LMBRD2: variants seen among roughly 807,000 people sequenced by gnomAD.
The protein encoded by LMBRD2 is G protein-coupled receptor-associated protein LMBRD2.
Under a neutral mutation model 94.4 loss-of-function variants are expected in LMBRD2, and 55 were observed. That is an observed-to-expected ratio of 0.58 (90% CI 0.47 to 0.73). The LOEUF (loss-of-function observed/expected upper bound fraction) is 0.73, where lower values mean the gene tolerates loss of function less well. Among genes scored for constraint, LMBRD2 ranks in the 30% least tolerant of loss-of-function variants. The probability of loss-of-function intolerance (pLI) is 0.00; values close to 1 mark genes in which losing one functional copy is unlikely to be tolerated. For missense variants in LMBRD2, 640 were observed against 831.9 expected, an observed-to-expected ratio of 0.77 and a Z score of 2.84; for synonymous variants, 246 against 272.4, an observed-to-expected ratio of 0.90 and a Z score of 0.95.
intron 3 of LMBRD2, among the ~76,000 whole-genome samples, chr5:36,142,012 T>C (rs1744421452): frequency 6.6e-6 from 1 of 152,218 alleles, no homozygotes; most frequent in Non-Finnish European, 1.5e-5. Context: ...AAGTTCGATA[T>C]GAATTCAATA....
At position 36,117,826 on chromosome 5, in the gene LMBRD2, T is replaced by C; in HGVS notation, c.1211A>G (p.Glu404Gly). 6.2e-7 allele frequency: 1 copy of C among 1,614,008 alleles called. No individual in the cohort carries two copies. Among genetic ancestry groups the C allele is most frequent in the Non-Finnish European group, 8.5e-7 (1 of 1,179,892 alleles). The change falls in exon 10 of 18, where the codon GAG becomes GGG. Residue 404 changes from glutamate to glycine, a missense_variant. Around this residue, in one of 2 missense-constraint regions of LMBRD2, gnomAD observed 457 missense variants for 642.8 expected, o/e 0.71. Coordinates refer to ENST00000296603, the MANE Select transcript of LMBRD2 (RefSeq NM_001007527.2). ...SIFSVIVVWS[E>G]CTFFSTTPVL... Reference sequence around the variant, plus strand: ...AGGAGTAGTGCTAAAGAATGTGCACTCTGACCACACAACAATCACAGAGAA... The same window carrying C: ...AGGAGTAGTGCTAAAGAATGTGCACCCTGACCACACAACAATCACAGAGAA...
rs759285954 is a variant in LMBRD2, at chr5:36,114,452, C to A, written c.1612G>T (p.Val538Leu). The change falls in exon 13 of 18, where the codon GTA becomes TTA. Residue 538 changes from valine (V) to leucine (L), a missense_variant. Physicochemically the swap from Val to Leu is conservative, Grantham distance 32. Coordinates refer to ENST00000296603, the MANE Select transcript of LMBRD2 (RefSeq NM_001007527.2). Reference sequence around the variant, plus strand: ...AAATAAGTAGCAATGCAGAGAATTACCACCAACATAGGATAATATATATAG... The same window carrying A: ...AAATAAGTAGCAATGCAGAGAATTAACACCAACATAGGATAATATATATAG... ...GFYIYYPMLV[V>L]ILCIATYFSL... is the part of the protein sequence containing the mutation. 1.9e-6 allele frequency: 3 copies of A among 1,559,554 alleles called. No homozygotes were observed. The highest frequency in any genetic ancestry group is 2.6e-6 in the Non-Finnish European group (3 of 1,159,272).
At chr5:36,115,161 C>T (rs1407323805) in intron 11 of LMBRD2, 41 bp from the exon 12 acceptor site, 2 of 1,199,734 alleles carry the variant, frequency 1.7e-6, no homozygotes, top group South Asian at 1.3e-5. Context: ...AAAAGTAAAG[C>T]AGCAAAATAC....
In LMBRD2 at chr5:36,101,300, G is replaced by A. The variant is rs946150757; in HGVS notation, c.*2746C>T. On this transcript the variant is annotated 3_prime_UTR_variant, in exon 18 of 18. Transcript: ENST00000296603. ...TTAGAGGTGATTCATTAAATTAATA[G>A]ATTATTATTATTTTCTACAATAGTT... is the stretch of plus-strand genomic sequence containing the variant. 8.6e-5 allele frequency: 13 copies of A among 151,728 alleles called. No homozygotes were observed. The highest frequency in any genetic ancestry group is 7.2e-4 in the Admixed American group (11 of 15,210). The allele number at this position is 151,728 out of a possible 1,614,324, so 9.4% of individuals were successfully genotyped here.
rs1402339333 is a variant in LMBRD2 at position 36,137,346 on chromosome 5, T to C, written c.464A>G (p.Tyr155Cys). The C allele has an allele frequency of 5.0e-6, 8 of 1,606,122 alleles. No homozygotes were observed. Among genetic ancestry groups the C allele is most frequent in the Middle Eastern group, 1.7e-4 (1 of 6,030 alleles). ...KTALIENAIY[Y>C]GTYLLIFGAF... The stretch of plus-strand genomic sequence containing the variant: ...TCCAAAAATCAGCAAATAGGTGCCA[T>C]AGTAGATTGCATTCTCAATTAGTGC... The change falls in exon 5 of 18, where the codon TAT becomes TGT. Residue 155 changes from tyrosine (Y) to cysteine (C), a missense_variant. Physicochemically the swap from Tyr to Cys is radical, Grantham distance 194 (BLOSUM62 -2). This residue lies in a region of LMBRD2 where 457 missense variants were observed against 642.8 expected (regional missense o/e 0.71). Transcript: ENST00000296603.
intron 1 of LMBRD2, among the ~76,000 whole-genome samples, chr5:36,149,005 T>G (rs1472857617): frequency 1.3e-5 from 2 of 152,254 alleles, no homozygotes; most frequent in East Asian, 3.8e-4. Flanking sequence ...TATATGACTG[T>G]ACTCTACATG....
intron 1 of LMBRD2, among the ~76,000 whole-genome samples, chr5:36,148,246 G>GA (rs112066311): frequency 0.028 from 2,952 of 107,272 alleles, 57 homozygotes; most frequent in African/African-American, 0.067. Flanking sequence ...CTCGAAAAAT[G>GA]AAAAAAAAAA....
At chr5:36,149,767 G>A (rs1037198470) in intron 1 of LMBRD2, among the ~76,000 whole-genome samples, 1 of 152,178 alleles carries the variant, frequency 6.6e-6, no homozygotes, top group Non-Finnish European at 1.5e-5. Context: ...TTAGCCAGGC[G>A]TGGTGGCGCA....
At position 36,102,763 on chromosome 5, in the gene LMBRD2, T is replaced by C. The variant is rs1347879659; in HGVS notation, c.*1283A>G. Reference sequence around the variant, plus strand: ...TAATTCATCTTCAAACTGGGTGGGATACTTGAGGGTGAAAGTAATCACTAG... The same window carrying C: ...TAATTCATCTTCAAACTGGGTGGGACACTTGAGGGTGAAAGTAATCACTAG... On this transcript the variant is annotated 3_prime_UTR_variant, in exon 18 of 18. Coordinates refer to ENST00000296603, the MANE Select transcript of LMBRD2 (RefSeq NM_001007527.2). 4 of 151,764 alleles carry C rather than the reference T, an allele frequency of 2.6e-5. No homozygotes were observed. The highest frequency in any genetic ancestry group is 5.9e-5 in the Non-Finnish European group (4 of 67,776). 9.4% of individuals were successfully genotyped at this position (151,764 alleles called of 1,614,324 possible). A position where few individuals can be genotyped will look rare whatever the true frequency, so the allele number is the denominator to read the frequency against.
intron 2 of LMBRD2, 49 bp downstream of exon 2, chr5:36,143,127 A>C (rs1744457827): frequency 1.6e-6 from 2 of 1,237,412 alleles, no homozygotes; most frequent in African/African-American, 3.1e-5. Flanking sequence ...AACATGCTGT[A>C]TGATTAAAAT....
At chr5:36,114,945 G>T (rs1743703804) in intron 12 of LMBRD2, 70 bp downstream of exon 12, 2 of 1,032,938 alleles carry the variant, frequency 1.9e-6, no homozygotes, top group East Asian at 2.5e-5. Flanking sequence ...GGCATTAAAA[G>T]AAATTTCACA....
rs77247137 is a variant in LMBRD2 at position 36,122,163 on chromosome 5, A to G, written c.1120+117T>C. The G allele has an allele frequency of 9.5e-3, 6,290 of 663,142 alleles. 323 individuals are homozygous for G. In the African/African-American group the frequency reaches 0.1, roughly 11 times the overall value. 41.1% of individuals were successfully genotyped at this position (663,142 alleles called of 1,614,324 possible). ...AATGTTACCAGATACTTAATATCACATGGTATAAATCAAATAATACAAATA... is the reference window on the plus strand; with the variant it reads ...AATGTTACCAGATACTTAATATCACGTGGTATAAATCAAATAATACAAATA... On this transcript the variant is annotated intron_variant, in intron 9 of 17. Coordinates refer to ENST00000296603, the MANE Select transcript of LMBRD2 (RefSeq NM_001007527.2).
chr5:36,148,346 T>C (rs970400241), intron 1 of LMBRD2, among the ~76,000 whole-genome samples: 1 of 152,004 alleles, frequency 6.6e-6, no homozygotes, highest in African/African-American at 2.4e-5. Context: ...GACAAGCCCC[T>C]GAGGACAGTG....
chr5:36,146,957 T>TGA (rs1744563528), intron 1 of LMBRD2, among the ~76,000 whole-genome samples: 4 of 151,680 alleles, frequency 2.6e-5, no homozygotes, highest in Non-Finnish European at 4.4e-5. Context: ...TGTGTGTGTG[T>TGA]GTGTGTGTGT....
intron 1 of LMBRD2, among the ~76,000 whole-genome samples, chr5:36,146,960 G>A (rs1744563704): frequency 6.6e-6 from 1 of 151,710 alleles, no homozygotes; most frequent in Non-Finnish European, 1.5e-5. Flanking sequence ...GTGTGTGTGT[G>A]TGTGTGTGTG....
rs189694310 is a variant in LMBRD2, at chr5:36,118,743, G to A, written c.1121-827C>T. Reference sequence around the variant, plus strand: ...TCGGCTCACTGCAACCTCTGCCTCCGGGGTTTAAGTGATTCTCCTGCCTCA... The same window carrying A: ...TCGGCTCACTGCAACCTCTGCCTCCAGGGTTTAAGTGATTCTCCTGCCTCA... On this transcript the variant is annotated intron_variant, in intron 9 of 17. Coordinates refer to ENST00000296603, the MANE Select transcript of LMBRD2 (RefSeq NM_001007527.2). 2.4e-3 allele frequency among the ~76,000 whole-genome samples: 365 copies of A among 150,868 alleles called. 2 individuals are homozygous for A. Among genetic ancestry groups the A allele is most frequent in the African/African-American group, 8.6e-3 (354 of 41,158 alleles).
Position 36,122,800 on chromosome 5 carries a change from C to T in LMBRD2, c.936+48G>A, listed in dbSNP as rs373453713. ...TTTTTTATGAGCAATGATTAGAAGT[C>T]TAATTAAAATCATCATTAAGTAAAA... On this transcript the variant is annotated intron_variant, in intron 8 of 17. Transcript: ENST00000296603. The T allele has an allele frequency of 3.2e-5, 49 of 1,537,640 alleles. No individual in the cohort carries two copies. In the African/African-American group the frequency reaches 5.6e-4, roughly 18 times the overall value.
intron 1 of LMBRD2, among the ~76,000 whole-genome samples, chr5:36,150,489 C>A (rs980238842): frequency 6.6e-6 from 1 of 152,140 alleles, no homozygotes; most frequent in Non-Finnish European, 1.5e-5. Flanking sequence ...TGTTCCCTTT[C>A]CTGAAGGAAA....
rs138942157 is a variant in LMBRD2 at position 36,099,482 on chromosome 5, T to C, written c.*4564A>G. The C allele has an allele frequency of 2.6e-5, 4 of 152,254 alleles. No individual in the cohort carries two copies. In the East Asian group the frequency reaches 7.7e-4, roughly 29 times the overall value. 9.4% of individuals were successfully genotyped at this position (152,254 alleles called of 1,614,324 possible). On this transcript the variant is annotated 3_prime_UTR_variant, in exon 18 of 18. Coordinates refer to ENST00000296603, the MANE Select transcript of LMBRD2 (RefSeq NM_001007527.2). ...ATATACACAGTCTCTCCCCTACAACTTGGTATGCTAAGTACGGAAGATGCT... is the reference window on the plus strand; with the variant it reads ...ATATACACAGTCTCTCCCCTACAACCTGGTATGCTAAGTACGGAAGATGCT...
Sources: gnomAD v4.1 joint callset for allele counts (sites outside exome capture counted in the v4.1 genomes callset) on GRCh38, gnomAD v4.1.1 for gene constraint, gnomAD v4.1.1 regional missense constraint, MANE v1.5 for transcripts, NCBI Gene and HGNC (gene_info 2026-07-23, HGNC 2026-07-21) for gene names.